The following ITPRID1 variants were observed in gnomAD, a reference collection of about 807,000 sequenced individuals.
The protein encoded by ITPRID1 is ITPR interacting domain containing 1, also known as protein ITPRID1.
Under a neutral mutation model 95.4 loss-of-function variants are expected in ITPRID1, and 96 were observed. The observed-to-expected ratio is 1.01, with a 90% CI of 0.85 to 1.19. The LOEUF (loss-of-function observed/expected upper bound fraction) is 1.19, where lower values mean the gene tolerates loss of function less well. ITPRID1 is among the 50% of genes most tolerant of loss of function. The probability of loss-of-function intolerance (pLI) is 0.00; values close to 1 mark genes in which losing one functional copy is unlikely to be tolerated. For missense variants in ITPRID1, 1,339 were observed against 1,252.9 expected, an observed-to-expected ratio of 1.07 and a Z score of -1.04; for synonymous variants, 510 against 453.6, an observed-to-expected ratio of 1.12 and a Z score of -1.58.
intron 6 of ITPRID1, among the ~76,000 whole-genome samples, chr7:31,570,641 A>G (rs1409422826): frequency 2.0e-5 from 3 of 152,206 alleles, no homozygotes; most frequent in African/African-American, 7.2e-5. Context: ...GAGCTATAAA[A>G]GACCACAGAA....
At position 31,599,690 on chromosome 7, in the gene ITPRID1, C is replaced by CTCTCTTTCTT. The variant is rs1180791810; in HGVS notation, c.1228+16502_1228+16503insCTTTCTTTCT. On this transcript the variant is annotated intron_variant, in intron 10 of 14. Coordinates refer to ENST00000615280, the MANE Select transcript of ITPRID1 (RefSeq NM_001257967.3). ...TCTCTCTCTCTCTCTCTCTCTCTCTCTCTTTCTTTCTTTCTTTCTTTCTCT... is the reference window on the plus strand; with the variant it reads ...TCTCTCTCTCTCTCTCTCTCTCTCTCTCTCTTTCTTTCTTTCTTTCTTTCTTTCTTTCTCT... Among the ~76,000 whole-genome samples, 193 of 106,712 alleles carry CTCTCTTTCTT rather than the reference C, an allele frequency of 1.8e-3. 6 individuals are homozygous for CTCTCTTTCTT. Among genetic ancestry groups the CTCTCTTTCTT allele is most frequent in the African/African-American group, 4.8e-3 (109 of 22,778 alleles). The allele number at this position is 106,712 out of a possible 152,430, so 70.0% of individuals were successfully genotyped here. A position where few individuals can be genotyped will look rare whatever the true frequency, so the allele number is the denominator to read the frequency against.
At position 31,563,415 on chromosome 7, in the gene ITPRID1, G is replaced by A. The variant is rs1430672253; in HGVS notation, c.257-6343G>A. Among the ~76,000 whole-genome samples the A allele has an allele frequency of 2.6e-5, 4 of 152,050 alleles. No homozygotes were observed. In the South Asian group the frequency reaches 8.3e-4, roughly 32 times the overall value. ...AGGGAATAACACTTGATGTCTTAGGGCTGAGATGACACTGGAGTGTCATCT... is the reference window on the plus strand; with the variant it reads ...AGGGAATAACACTTGATGTCTTAGGACTGAGATGACACTGGAGTGTCATCT... On this transcript the variant is annotated intron_variant, in intron 5 of 14. Coordinates refer to ENST00000615280, the MANE Select transcript of ITPRID1 (RefSeq NM_001257967.3).
intron 11 of ITPRID1, 41 bp downstream of exon 11, chr7:31,642,299 C>T: frequency 7.6e-7 from 1 of 1,323,976 alleles, no homozygotes; most frequent in Non-Finnish European, 1.1e-6. Context: ...TCATCCCTAA[C>T]ATCCCACTTC....
Position 31,536,703 on chromosome 7 carries a change from C to T in ITPRID1, c.-97-12723C>T, listed in dbSNP as rs1287886528. On this transcript the variant is annotated intron_variant, in intron 1 of 14. Transcript: ENST00000615280. ...TTGCTGGGTCTTGGATTTGCTGTCA[C>T]TTTAGTTAGTTTTAGTTCATCACTG... Among the ~76,000 whole-genome samples, 3 of 152,090 alleles carry T rather than the reference C, an allele frequency of 2.0e-5. No individual in the cohort carries two copies. The South Asian group carries it at 6.2e-4, about 32-fold the overall frequency.
intron 1 of ITPRID1, among the ~76,000 whole-genome samples, chr7:31,525,428 C>T (rs1195796253): frequency 6.6e-6 from 1 of 152,192 alleles, no homozygotes; most frequent in Non-Finnish European, 1.5e-5. Context: ...TCAAAAATGT[C>T]TCTAGACATT....
chr7:31,623,782 A>T (rs1412634259), intron 10 of ITPRID1, among the ~76,000 whole-genome samples: 1 of 151,832 alleles, frequency 6.6e-6, no homozygotes, highest in Non-Finnish European at 1.5e-5. Flanking sequence ...GCAATTAGGC[A>T]GGAGAAGGAA....
Position 31,572,104 on chromosome 7 carries a change from C to A in ITPRID1, c.311C>A (p.Ser104Tyr). ...VQMTVKDYMR[S>Y]LHQFSETPIL... ...TGTTGATATTTTCCCAACTGTAGAT[C>A]TTTGCATCAGTTTTCAGAAACTCCC... is the stretch of plus-strand genomic sequence containing the variant. The change falls in exon 7 of 15, where the codon TCT (serine) becomes TAT (tyrosine). Residue 104 changes from serine (S) to tyrosine (Y), a missense_variant and splice_region_variant. Coordinates refer to ENST00000615280, the MANE Select transcript of ITPRID1 (RefSeq NM_001257967.3). 1.2e-6 allele frequency: 2 copies of A among 1,600,694 alleles called. No individual in the cohort carries two copies. The highest frequency in any genetic ancestry group is 1.7e-6 in the Non-Finnish European group (2 of 1,168,812).
chr7:31,595,659 A>G (rs567208564), intron 10 of ITPRID1, among the ~76,000 whole-genome samples: 1 of 152,320 alleles, frequency 6.6e-6, no homozygotes, highest in South Asian at 2.1e-4. Flanking sequence ...TTTTATTATC[A>G]AAGCAGAAAA....
chr7:31,639,204 T>G (rs1789774153), intron 10 of ITPRID1, among the ~76,000 whole-genome samples: 1 of 152,200 alleles, frequency 6.6e-6, no homozygotes, highest in South Asian at 2.1e-4. Context: ...CTCTTTGGGA[T>G]TTTTCAGTTA....
rs796862201 is a variant in ITPRID1, at chr7:31,655,865, C to T, written c.*3036C>T. On this transcript the variant is annotated 3_prime_UTR_variant, in exon 15 of 15. Transcript: ENST00000615280. ...CCTTGCTCCTTCCCTGTAACGCCTA[C>T]GGAATGAAGAGGAACACCTGGCTCT... 2.0e-5 allele frequency: 20 copies of T among 985,398 alleles called. No homozygotes were observed. The highest frequency in any genetic ancestry group is 2.2e-5 in the Non-Finnish European group (18 of 829,976). 61.0% of individuals were successfully genotyped at this position (985,398 alleles called of 1,614,324 possible).
chr7:31,514,929 G>A (rs1202877032), intron 1 of ITPRID1, among the ~76,000 whole-genome samples: 1 of 151,552 alleles, frequency 6.6e-6, no homozygotes, highest in Non-Finnish European at 1.5e-5. Context: ...TTTTTAGCAG[G>A]TACCTTTATT....
chr7:31,614,050 A>G (rs188909464), intron 10 of ITPRID1, among the ~76,000 whole-genome samples: 199 of 152,280 alleles, frequency 1.3e-3, no homozygotes, highest in African/African-American at 4.5e-3. Context: ...GCTGGTAGGC[A>G]CCAGGGTTGG....
At chr7:31,532,753 T>G (rs1245040525) in intron 1 of ITPRID1, among the ~76,000 whole-genome samples, 1 of 152,214 alleles carries the variant, frequency 6.6e-6, no homozygotes, top group Non-Finnish European at 1.5e-5. Flanking sequence ...TACCAGATGA[T>G]GTTTTAGCAA....
chr7:31,578,023 G>A lies in ITPRID1; in HGVS notation c.759G>A (p.Met253Ile), dbSNP rs1416281664. The A allele has an allele frequency of 6.2e-7, 1 of 1,613,834 alleles. No homozygotes were observed. The highest frequency in any genetic ancestry group is 8.5e-7 in the Non-Finnish European group (1 of 1,179,812). ...VSAAKEHRRR[M>I]GKLLRRASKQ... ...CCGCCAAAGAGCATCGAAGAAGAAT[G>A]GGTAAACTCTTAAGGAGAGCTTCCA... The change falls in exon 9 of 15, where the codon ATG becomes ATA. Residue 253 changes from methionine (M) to isoleucine (I), a missense_variant. Transcript: ENST00000615280.
chr7:31,566,834 A>G (rs1784817348), intron 5 of ITPRID1, among the ~76,000 whole-genome samples: 1 of 152,180 alleles, frequency 6.6e-6, no homozygotes, highest in South Asian at 2.1e-4. Context: ...GCAGTGAGCA[A>G]GAATGCCGCA....
Position 31,653,386 on chromosome 7 carries a change from A to G in ITPRID1, c.*557A>G, listed in dbSNP as rs1791124872. 6.5e-6 allele frequency: 1 copy of G among 153,638 alleles called. No individual in the cohort carries two copies. The highest frequency in any genetic ancestry group is 1.4e-5 in the Non-Finnish European group (1 of 69,256). 9.5% of individuals were successfully genotyped at this position (153,638 alleles called of 1,614,324 possible). A position where few individuals can be genotyped will look rare whatever the true frequency, so the allele number is the denominator to read the frequency against. ...CTTATGCATTCACCTAGCTCAGTGG[A>G]TCTGCACTTTTACAGAAGGTAAAAT... On this transcript the variant is annotated 3_prime_UTR_variant, in exon 15 of 15. Coordinates refer to ENST00000615280, the MANE Select transcript of ITPRID1 (RefSeq NM_001257967.3).
chr7:31,658,176 T>C (rs1791381590), downstream of ITPRID1: 1 of 1,103,244 alleles, frequency 9.1e-7, no homozygotes, highest in African/African-American at 1.6e-5. Context: ...CCATGTAGAT[T>C]TGTGTAAGGA....
At chr7:31,610,375 A>G (rs181085842) in intron 10 of ITPRID1, among the ~76,000 whole-genome samples, 2 of 151,982 alleles carry the variant, frequency 1.3e-5, no homozygotes, top group African/African-American at 4.8e-5. Flanking sequence ...GCAGGAGTAA[A>G]GGCATAAAAA....
At chr7:31,639,726 C>G (rs1003418234) in intron 10 of ITPRID1, among the ~76,000 whole-genome samples, 2 of 151,682 alleles carry the variant, frequency 1.3e-5, no homozygotes, top group South Asian at 2.1e-4. Flanking sequence ...TTAGTAGAGA[C>G]GGGGTTTCAC....
Sources: allele counts gnomAD v4.1 joint callset (sites outside exome capture counted in the v4.1 genomes callset), GRCh38; gene constraint gnomAD v4.1.1; transcripts MANE v1.5; gene names NCBI Gene and HGNC (gene_info 2026-07-23, HGNC 2026-07-21).